DIP2C: variants seen among roughly 807,000 people sequenced by gnomAD.
The protein encoded by DIP2C is DIP2 acetate--CoA ligase C (putative).
A neutral mutation model predicts 192.4 loss-of-function variants in DIP2C; 33 were observed. The ratio of observed to expected loss-of-function variants is 0.17; its 90% CI spans 0.13 to 0.23. The LOEUF (loss-of-function observed/expected upper bound fraction) is 0.23, where lower values mean the gene tolerates loss of function less well. Ranked by LOEUF, DIP2C falls within the 10% of genes least tolerant of loss-of-function variation. The pLI, the probability that DIP2C is intolerant of heterozygous loss-of-function variation, is 1.00. For synonymous variants in DIP2C, 979 were observed against 864.1 expected, an observed-to-expected ratio of 1.13 and a Z score of -2.33; for missense variants, 1,537 against 2,110.1, an observed-to-expected ratio of 0.73 and a Z score of 5.32.
intron 1 of DIP2C, among the ~76,000 whole-genome samples, chr10:659,513 T>C (rs1477533264): frequency 6.6e-6 from 1 of 152,230 alleles, no homozygotes; most frequent in African/African-American, 2.4e-5. Context: ...TTTCAAATAA[T>C]GAGGTCTCAC....
chr10:412,304 C>T (rs941387209), intron 8 of DIP2C, among the ~76,000 whole-genome samples: 6 of 152,210 alleles, frequency 3.9e-5, no homozygotes, highest in Non-Finnish European at 8.8e-5. Context: ...TGAACACATG[C>T]ACCCGAACAG....
At chr10:671,239 C>T (rs1454803503) in intron 1 of DIP2C, among the ~76,000 whole-genome samples, 7 of 152,256 alleles carry the variant, frequency 4.6e-5, no homozygotes, top group African/African-American at 1.2e-4. Flanking sequence ...TAGAGAGAAG[C>T]GACGGCCTCC....
intron 1 of DIP2C, among the ~76,000 whole-genome samples, chr10:488,761 C>T (rs973978291): frequency 1.3e-5 from 2 of 152,216 alleles, no homozygotes; most frequent in Non-Finnish European, 2.9e-5. Flanking sequence ...TGCGTGATGT[C>T]GTGGATGACT....
chr10:339,166 T>C (rs1958022576), intron 29 of DIP2C, among the ~76,000 whole-genome samples: 1 of 152,238 alleles, frequency 6.6e-6, no homozygotes, highest in South Asian at 2.1e-4. Flanking sequence ...CTGAACTGCA[T>C]GGGAAAGGGA....
At chr10:304,889 A>G (rs1564529669) in intron 32 of DIP2C, among the ~76,000 whole-genome samples, 1 of 151,748 alleles carries the variant, frequency 6.6e-6, no homozygotes, top group African/African-American at 2.4e-5. Context: ...ACACATGCAC[A>G]CTCATACTTG....
intron 2 of DIP2C, among the ~76,000 whole-genome samples, chr10:484,194 G>A (rs1393877760): frequency 6.6e-6 from 1 of 152,204 alleles, no homozygotes; most frequent in African/African-American, 2.4e-5. Flanking sequence ...TCTTCATTCT[G>A]GTGGAAAATG....
At chr10:496,986 TG>T (rs1399049496) in intron 1 of DIP2C, among the ~76,000 whole-genome samples, 1 of 152,106 alleles carries the variant, frequency 6.6e-6, no homozygotes, top group Non-Finnish European at 1.5e-5. Flanking sequence ...TAGCCAGGTG[TG>T]GTGGCGGGTG....
intron 1 of DIP2C, among the ~76,000 whole-genome samples, chr10:581,428 G>A (rs1850651296): frequency 6.6e-6 from 1 of 152,110 alleles, no homozygotes; most frequent in South Asian, 2.1e-4. Context: ...ATGTTAAGCT[G>A]TCAAAGGTGC....
chr10:462,208 G>A (rs10751976), intron 3 of DIP2C, among the ~76,000 whole-genome samples: 126,409 of 151,988 alleles, frequency 0.83, 55,752 homozygotes, highest in Non-Finnish European at 0.96. Flanking sequence ...ACAGAGACAC[G>A]AAAAACTCTT....
chr10:657,888 C>CCTGGACCTGCCG (rs1856482774), intron 1 of DIP2C, among the ~76,000 whole-genome samples: 2 of 146,312 alleles, frequency 1.4e-5, no homozygotes, highest in East Asian at 2.1e-4. Flanking sequence ...TGGACCTGCC[C>CCTGGACCTGCCG]CTGGACCTGC....
chr10:349,482 A>G (rs372013018), intron 24 of DIP2C, 28 bp from the exon 25 acceptor site: 13 of 1,584,838 alleles, frequency 8.2e-6, no homozygotes, highest in Middle Eastern at 3.3e-4. Context: ...GGACAAGCAC[A>G]TAAGATTCCT....
chr10:378,553 A>T (rs1383561250), intron 17 of DIP2C, among the ~76,000 whole-genome samples: 1 of 152,036 alleles, frequency 6.6e-6, no homozygotes, highest in Non-Finnish European at 1.5e-5. Flanking sequence ...ACACATGCAG[A>T]CACGTGAACA....
chr10:591,668 G>A (rs940112718), intron 1 of DIP2C, among the ~76,000 whole-genome samples: 5 of 152,166 alleles, frequency 3.3e-5, no homozygotes, highest in African/African-American at 1.2e-4. Context: ...CTGCCTGCCG[G>A]TGAGTTAGAC....
intron 1 of DIP2C, among the ~76,000 whole-genome samples, chr10:554,933 C>T (rs891427246): frequency 3.3e-5 from 5 of 152,182 alleles, no homozygotes; most frequent in Non-Finnish European, 5.9e-5. Flanking sequence ...ATGACCACTT[C>T]TCTCTGGTTC....
intron 22 of DIP2C, among the ~76,000 whole-genome samples, 161 bp downstream of exon 22, chr10:362,329 C>T (rs1019050589): frequency 1.3e-5 from 2 of 152,204 alleles, no homozygotes; most frequent in African/African-American, 4.8e-5. Flanking sequence ...AGACCAGAAT[C>T]CAAGTTGCCC....
At chr10:321,018 C>CAGAAG (rs1487259234) in intron 31 of DIP2C, among the ~76,000 whole-genome samples, 2 of 151,990 alleles carry the variant, frequency 1.3e-5, no homozygotes, top group East Asian at 3.9e-4. Context: ...GGTTATGAAG[C>CAGAAG]AGGAAAGACT....
At chr10:310,189 T>A in intron 31 of DIP2C, 97 bp from the exon 32 acceptor site, 1 of 1,217,690 alleles carries the variant, frequency 8.2e-7, no homozygotes, top group African/African-American at 1.5e-5. Context: ...TGTAAAATCT[T>A]AAAGTGAAAA....
At chr10:509,528 C>T (rs952660841) in intron 1 of DIP2C, among the ~76,000 whole-genome samples, 4 of 152,206 alleles carry the variant, frequency 2.6e-5, no homozygotes, top group Non-Finnish European at 4.4e-5. Flanking sequence ...CGGAAACTCA[C>T]ACACAGCCCA....
intron 32 of DIP2C, among the ~76,000 whole-genome samples, chr10:306,991 G>A (rs1054665115): frequency 3.9e-5 from 6 of 152,186 alleles, no homozygotes; most frequent in African/African-American, 1.4e-4. Flanking sequence ...TTCCCTGGGG[G>A]TGAGCAGGTT....
Sources: gnomAD v4.1 joint callset for allele counts (sites outside exome capture counted in the v4.1 genomes callset) on GRCh38, gnomAD v4.1.1 for gene constraint, MANE v1.5 for transcripts, NCBI Gene and HGNC (gene_info 2026-07-23, HGNC 2026-07-21) for gene names.